Variants in LRCH2 observed in about 807,000 individuals in gnomAD.
LRCH2 encodes leucine rich repeats and calponin homology domain containing 2.
Under a neutral mutation model 68.9 loss-of-function variants are expected in LRCH2, and 38 were observed. The observed-to-expected ratio is 0.55, with a 90% CI of 0.43 to 0.72. The LOEUF (loss-of-function observed/expected upper bound fraction) is 0.72. LRCH2 is among the 30% of genes least tolerant of loss of function. The probability of loss-of-function intolerance (pLI) is 0.00; values close to 1 mark genes in which losing one functional copy is unlikely to be tolerated. For synonymous variants in LRCH2, 191 were observed against 208.1 expected (o/e 0.92, Z 0.71); for missense variants, 528 against 572.9 (o/e 0.92, Z 0.80).
chrX:115,140,959 G>A (rs1444369388), intron 14 of LRCH2, among the ~76,000 whole-genome samples: 1 of 111,173 alleles, frequency 9.0e-6, no homozygotes, highest in African/African-American at 3.3e-5. Flanking sequence ...GAGGCCAGGC[G>A]TGGTAGCTCA....
At chrX:115,125,607 G>GTGTATATATA (rs1556527592) in intron 16 of LRCH2, among the ~76,000 whole-genome samples, 1 of 18,508 alleles carries the variant, frequency 5.4e-5, no homozygotes, top group Non-Finnish European at 8.7e-5. Flanking sequence ...ATATATATAC[G>GTGTATATATA]TATATATATA....
At chrX:115,142,880 G>A (rs1198078401) in intron 14 of LRCH2, among the ~76,000 whole-genome samples, 1 of 111,332 alleles carries the variant, frequency 9.0e-6, no homozygotes, top group Non-Finnish European at 1.9e-5. Context: ...TGGGCAGATC[G>A]CTTGAGCCAA....
chrX:115,167,787 G>T (rs782152909), intron 6 of LRCH2, among the ~76,000 whole-genome samples: 34 of 111,596 alleles, frequency 3.0e-4, no homozygotes, highest in African/African-American at 1.0e-3. Flanking sequence ...TAACATTTTA[G>T]GTATGGAAAC....
At chrX:115,134,242 T>C (rs1482621190) in intron 14 of LRCH2, among the ~76,000 whole-genome samples, 1 of 112,048 alleles carries the variant, frequency 8.9e-6, no homozygotes, top group Non-Finnish European at 1.9e-5. Context: ...GTTCATAAGA[T>C]TGAAGGAAAG....
intron 15 of LRCH2, among the ~76,000 whole-genome samples, chrX:115,129,199 G>T (rs926616316): frequency 2.7e-5 from 3 of 111,094 alleles, no homozygotes; most frequent in Non-Finnish European, 5.7e-5. Context: ...GTACACAGGT[G>T]TTATTCACTG....
At chrX:115,181,758 CATA>C (rs1365229544) in intron 3 of LRCH2, among the ~76,000 whole-genome samples, 2 of 112,011 alleles carry the variant, frequency 1.8e-5, no homozygotes, top group African/African-American at 6.5e-5. Context: ...GAGTTTAAAG[CATA>C]ATAATTTTAC....
intron 1 of LRCH2, among the ~76,000 whole-genome samples, chrX:115,210,420 A>C (rs1208236185): frequency 8.9e-6 from 1 of 112,184 alleles, no homozygotes; most frequent in Non-Finnish European, 1.9e-5. Context: ...TGTGGTGCTG[A>C]GCCTGCAGGT....
chrX:115,113,454 A>C, intron 20 of LRCH2, 119 bp from the exon 21 acceptor site: 2 of 538,529 alleles, frequency 3.7e-6, no homozygotes, highest in Non-Finnish European at 5.6e-6. Flanking sequence ...CATAATTCTA[A>C]GTTTTCTCTT....
intron 1 of LRCH2, chrX:115,191,453 A>G (rs782485489): frequency 8.7e-7 from 1 of 1,146,310 alleles, no homozygotes; most frequent in South Asian, 1.9e-5. Context: ...CGCTACGAGG[A>G]GTACCGAGGC....
At chrX:115,212,115 G>C (rs1005359426) in intron 1 of LRCH2, among the ~76,000 whole-genome samples, 1 of 111,945 alleles carries the variant, frequency 8.9e-6, no homozygotes, top group African/African-American at 3.2e-5. Context: ...CAGTATGTTA[G>C]CCTAACACTG....
At position 115,179,409 on chromosome X, in the gene LRCH2, A is replaced by G; in HGVS notation, c.864+18T>C. 3.8e-6 allele frequency: 4 copies of G among 1,061,149 alleles called. No homozygotes were observed. The highest frequency in any genetic ancestry group is 3.7e-6 in the Non-Finnish European group (3 of 815,324). 87.5% of individuals were successfully genotyped at this position (1,061,149 alleles called of 1,213,427 possible). On this transcript the variant is annotated intron_variant, in intron 5 of 20. Transcript: ENST00000317135. ...GAATAAAAATGAGAAGAAACATTAT[A>G]ATATTTTTATTACAAACCTGTGCTG...
chrX:115,184,564 C>A, intron 2 of LRCH2, 27 bp from the exon 3 acceptor site: 1 of 1,103,094 alleles, frequency 9.1e-7, no homozygotes, highest in Non-Finnish European at 1.2e-6. Flanking sequence ...AGTTTCATTA[C>A]GAGAATATGT....
At position 115,192,021 on chromosome X, in the gene LRCH2, C is replaced by G. The variant is rs1296849951; in HGVS notation, c.350-3651G>C. The stretch of plus-strand genomic sequence containing the variant: ...GCCACCGCTATGGAGGAGGAGGCCA[C>G]TACGAAGAGTACCGAGGCCGCTCGC... On this transcript the variant is annotated intron_variant, in intron 1 of 20. Transcript: ENST00000317135. 6 of 1,166,361 alleles carry G rather than the reference C, an allele frequency of 5.1e-6. No homozygotes were observed. The highest frequency in any genetic ancestry group is 1.9e-5 in the South Asian group (1 of 52,619).
chrX:115,218,099 T>C (rs1296247114), intron 1 of LRCH2, among the ~76,000 whole-genome samples: 1 of 111,376 alleles, frequency 9.0e-6, no homozygotes, highest in Non-Finnish European at 1.9e-5. Context: ...ATTGGACCAC[T>C]GCACTCCAGC....
chrX:115,143,562 C>A (rs1445621995), intron 14 of LRCH2, among the ~76,000 whole-genome samples: 1 of 111,116 alleles, frequency 9.0e-6, no homozygotes, highest in African/African-American at 3.3e-5. Context: ...TTAAAGAAAA[C>A]CTAATACCAA....
intron 1 of LRCH2, among the ~76,000 whole-genome samples, chrX:115,222,122 T>C (rs782547912): frequency 9.0e-6 from 1 of 111,127 alleles, no homozygotes; most frequent in South Asian, 3.8e-4. Context: ...AACAATATTA[T>C]ATACCATGTT....
chrX:115,178,891 T>G (rs782488835), intron 5 of LRCH2, among the ~76,000 whole-genome samples: 1 of 112,147 alleles, frequency 8.9e-6, no homozygotes, highest in East Asian at 2.8e-4. Context: ...TTTCAGAAAT[T>G]CTATTGACAT....
intron 11 of LRCH2, among the ~76,000 whole-genome samples, chrX:115,160,326 A>T (rs1006237135): frequency 5.4e-5 from 6 of 110,559 alleles, no homozygotes; most frequent in South Asian, 7.5e-4. Flanking sequence ...AAAAAATATT[A>T]AAAAAAAATA....
chrX:115,190,706 G>A (rs1556557964), intron 1 of LRCH2: 19 of 1,059,170 alleles, frequency 1.8e-5, no homozygotes, highest in Admixed American at 1.6e-4. Context: ...GGAGAAGGCC[G>A]CTATGAGGAG....
Sources: allele counts gnomAD v4.1 joint callset (sites outside exome capture counted in the v4.1 genomes callset), GRCh38; gene constraint gnomAD v4.1.1; transcripts MANE v1.5; gene names NCBI Gene and HGNC (gene_info 2026-07-23, HGNC 2026-07-21).